Variants in SGCD observed in about 807,000 individuals in gnomAD.
SGCD encodes delta-sarcoglycan.
In SGCD, 18 loss-of-function variants were observed where a neutral mutation model predicts 36.6. That is an observed-to-expected ratio of 0.49 (90% CI 0.34 to 0.73). The LOEUF is 0.73. Among genes scored for constraint, SGCD ranks in the 30% least tolerant of loss-of-function variants. SGCD has a pLI of 0.01. For synonymous variants in SGCD, 133 were observed against 130.6 expected, an observed-to-expected ratio of 1.02 and a Z score of -0.12; for missense variants, 387 against 346.7, an observed-to-expected ratio of 1.12 and a Z score of -0.92.
rs1226472098 is a variant in SGCD at position 156,761,986 on chromosome 5, T to A, written c.*2596T>A. 6.6e-6 allele frequency: 1 copy of A among 152,624 alleles called. No homozygotes were observed. Among genetic ancestry groups the A allele is most frequent in the Non-Finnish European group, 1.5e-5 (1 of 68,044 alleles). 9.5% of individuals were successfully genotyped at this position (152,624 alleles called of 1,614,324 possible). A position where few individuals can be genotyped will look rare whatever the true frequency, so the allele number is the denominator to read the frequency against. ...ATATGGGTTAAATTATGCATTTTGTTCAGATTTTGGAAATTGGTATGCATT... is the reference window on the plus strand; with the variant it reads ...ATATGGGTTAAATTATGCATTTTGTACAGATTTTGGAAATTGGTATGCATT... On this transcript the variant is annotated 3_prime_UTR_variant, in exon 9 of 9. Transcript: ENST00000337851.
At chr5:155,768,514 T>G in the SGCD span, among the ~76,000 whole-genome samples, 3 of 152,008 alleles carry the variant, frequency 2.0e-5, no homozygotes, top group Non-Finnish European at 4.4e-5. Context: ...GTGGAAGAAG[T>G]GCTAAATTGA....
chr5:156,316,337 T>C (rs931537324), intron 3 of SGCD, among the ~76,000 whole-genome samples: 12 of 152,006 alleles, frequency 7.9e-5, no homozygotes, highest in African/African-American at 2.7e-4. Flanking sequence ...AAATAGCCTA[T>C]GTTCATAAAT....
chr5:156,091,429 G>A (rs1392081189), intron 1 of SGCD, among the ~76,000 whole-genome samples: 2 of 152,184 alleles, frequency 1.3e-5, no homozygotes, highest in Non-Finnish European at 2.9e-5. Flanking sequence ...AGGCCAGGTA[G>A]CTCAGCCCTC....
chr5:156,669,921 C>A (rs981691103), intron 7 of SGCD, among the ~76,000 whole-genome samples: 3 of 151,972 alleles, frequency 2.0e-5, no homozygotes, highest in South Asian at 2.1e-4. Context: ...AGTACCAAAA[C>A]GTTTCACAAG....
intron 3 of SGCD, among the ~76,000 whole-genome samples, chr5:156,260,929 A>G (rs1246064599): frequency 6.6e-6 from 1 of 152,140 alleles, no homozygotes; most frequent in Admixed American, 6.6e-5. Flanking sequence ...GAAGGTGGTT[A>G]TGCTATTCTT....
chr5:155,894,770 C>T (rs540728161), intron 1 of SGCD, among the ~76,000 whole-genome samples: 35 of 152,230 alleles, frequency 2.3e-4, no homozygotes, highest in Admixed American at 7.2e-4. Flanking sequence ...GCCATGGGAC[C>T]ATCAAGTTGC....
chr5:156,549,502 C>G (rs965853664), intron 4 of SGCD, among the ~76,000 whole-genome samples: 1 of 152,172 alleles, frequency 6.6e-6, no homozygotes. Flanking sequence ...GGATGGAGAA[C>G]TAGAAGGAAT....
chr5:156,346,223 T>C (rs919495876), intron 3 of SGCD, among the ~76,000 whole-genome samples: 4 of 152,104 alleles, frequency 2.6e-5, no homozygotes, highest in African/African-American at 9.7e-5. Flanking sequence ...AAAACAAAAA[T>C]ATTACCTTGA....
chr5:156,338,395 C>T (rs756196079), intron 2 of SGCD, among the ~76,000 whole-genome samples: 3 of 152,182 alleles, frequency 2.0e-5, no homozygotes, highest in Non-Finnish European at 4.4e-5. Flanking sequence ...TGTGGATGCT[C>T]CTGACCCATG....
At chr5:155,871,586 G>A (rs1755655784) in intron 1 of SGCD, among the ~76,000 whole-genome samples, 1 of 152,130 alleles carries the variant, frequency 6.6e-6, no homozygotes, top group African/African-American at 2.4e-5. Context: ...AATGTCCTGG[G>A]ACTGCAACAG....
At chr5:155,801,220 T>TA in the SGCD span, among the ~76,000 whole-genome samples, 150 of 151,874 alleles carry the variant, frequency 9.9e-4, 1 homozygote, top group Non-Finnish European at 1.5e-3. Flanking sequence ...TGTATCTGGT[T>TA]AAAAAAAACA....
At chr5:156,693,364 A>G (rs1021233928) in intron 7 of SGCD, among the ~76,000 whole-genome samples, 2 of 152,168 alleles carry the variant, frequency 1.3e-5, no homozygotes, top group African/African-American at 4.8e-5. Flanking sequence ...GATAGGGCAC[A>G]TGCTCTGACT....
At chr5:156,405,344 A>G (rs1489445117) in intron 3 of SGCD, among the ~76,000 whole-genome samples, 1 of 152,232 alleles carries the variant, frequency 6.6e-6, no homozygotes, top group Non-Finnish European at 1.5e-5. Context: ...AAATTATTAT[A>G]TGCAGTTTAC....
chr5:156,510,246 TAC>T (rs1387628958), intron 4 of SGCD, among the ~76,000 whole-genome samples: 1 of 152,220 alleles, frequency 6.6e-6, no homozygotes, highest in Non-Finnish European at 1.5e-5. Context: ...GTACTTAAAG[TAC>T]ACAGAGTATT....
chr5:156,747,107 G>T (rs914902153), intron 7 of SGCD, among the ~76,000 whole-genome samples: 2 of 151,076 alleles, frequency 1.3e-5, no homozygotes, highest in Admixed American at 6.6e-5. Flanking sequence ...CACATGAAAA[G>T]GTGCCTAACA....
chr5:156,618,581 C>T (rs1041664647), intron 6 of SGCD, among the ~76,000 whole-genome samples: 2 of 131,108 alleles, frequency 1.5e-5, no homozygotes, highest in African/African-American at 6.0e-5. Flanking sequence ...GAGTACAGCA[C>T]TCATAATTCT....
intron 1 of SGCD, among the ~76,000 whole-genome samples, chr5:156,112,822 A>C (rs1282299359): frequency 6.6e-6 from 1 of 152,136 alleles, no homozygotes; most frequent in African/African-American, 2.4e-5. Flanking sequence ...TGAGGTGATG[A>C]GGCTGTTCCA....
chr5:156,469,556 A>G (rs867026715), intron 3 of SGCD, among the ~76,000 whole-genome samples: 3 of 152,352 alleles, frequency 2.0e-5, no homozygotes, highest in Non-Finnish European at 1.5e-5. Context: ...GAAACAACTC[A>G]TTCCTTAATG....
intron 3 of SGCD, among the ~76,000 whole-genome samples, chr5:156,420,517 AT>A (rs918262864): frequency 2.6e-5 from 4 of 152,020 alleles, no homozygotes; most frequent in Admixed American, 6.6e-5. Flanking sequence ...AGGACTGTTA[AT>A]TTTTTTTGCC....
Sources: gnomAD v4.1 joint callset for allele counts (sites outside exome capture counted in the v4.1 genomes callset) on GRCh38, gnomAD v4.1.1 for gene constraint, MANE v1.5 for transcripts, NCBI Gene and HGNC (gene_info 2026-07-23, HGNC 2026-07-21) for gene names.